Variants in CHCHD6 observed in about 807,000 individuals in gnomAD.
CHCHD6 encodes the protein coiled-coil-helix-coiled-coil-helix domain containing 6.
CHCHD6 carries 28 observed loss-of-function variants against 32.3 expected under a neutral mutation model. That is an observed-to-expected ratio of 0.87 (90% CI 0.64 to 1.19). The LOEUF (loss-of-function observed/expected upper bound fraction) is 1.19, where lower values mean the gene tolerates loss of function less well. Among genes scored for constraint, CHCHD6 ranks in the 50% most tolerant of loss-of-function variants. The pLI, the probability that CHCHD6 is intolerant of heterozygous loss-of-function variation, is 0.00. For missense variants in CHCHD6, 333 were observed against 307.0 expected (o/e 1.08, Z -0.63); for synonymous variants, 122 against 117.5 (o/e 1.04, Z -0.25).
intron 4 of CHCHD6, among the ~76,000 whole-genome samples, chr3:126,835,305 ACCTG>A (rs150152256): frequency 6.6e-6 from 1 of 152,146 alleles, no homozygotes; most frequent in African/African-American, 2.4e-5. Flanking sequence ...GGTGTGGGGC[ACCTG>A]CCTGCCTGCC....
chr3:126,792,104 T>C (rs531625225), intron 4 of CHCHD6, among the ~76,000 whole-genome samples: 1 of 152,292 alleles, frequency 6.6e-6, no homozygotes, highest in South Asian at 2.1e-4. Flanking sequence ...GCAGTTTGTT[T>C]ATCCATTCAT....
intron 5 of CHCHD6, among the ~76,000 whole-genome samples, chr3:126,892,562 C>T (rs557490752): frequency 6.6e-6 from 1 of 152,326 alleles, no homozygotes; most frequent in Admixed American, 6.5e-5. Flanking sequence ...TCTTCTTCTG[C>T]CCTCCTGGGG....
At chr3:126,931,036 C>T (rs895823147) in intron 6 of CHCHD6, among the ~76,000 whole-genome samples, 2 of 152,254 alleles carry the variant, frequency 1.3e-5, no homozygotes, top group African/African-American at 2.4e-5. Context: ...CCCAGACTGG[C>T]TGCCCTGTCA....
chr3:126,852,958 G>T (rs1941527460), intron 5 of CHCHD6, among the ~76,000 whole-genome samples: 1 of 152,074 alleles, frequency 6.6e-6, no homozygotes, highest in Admixed American at 6.5e-5. Context: ...GTCTCCCCCT[G>T]CCCCACCTTT....
At chr3:126,876,871 TATG>T (rs2077545879) in intron 5 of CHCHD6, among the ~76,000 whole-genome samples, 1 of 152,114 alleles carries the variant, frequency 6.6e-6, no homozygotes, top group Non-Finnish European at 1.5e-5. Context: ...GGATCCATAA[TATG>T]ATAAGAGAGA....
intron 4 of CHCHD6, among the ~76,000 whole-genome samples, chr3:126,798,747 A>G (rs77948487): frequency 2.2e-4 from 34 of 152,296 alleles, no homozygotes; most frequent in African/African-American, 8.2e-4. Flanking sequence ...CCAGCTGCCC[A>G]GTCACCAAGA....
At chr3:126,818,452 TTGTTTGTTACCTGCAC>T (rs1211629686) in intron 4 of CHCHD6, among the ~76,000 whole-genome samples, 2 of 152,314 alleles carry the variant, frequency 1.3e-5, no homozygotes, top group Admixed American at 1.3e-4. Context: ...TGCCTTTCAT[TTGTTTGTTACCTGCAC>T]TGGTTTTGAT....
At chr3:126,831,818 GT>G (rs1170033866) in intron 4 of CHCHD6, among the ~76,000 whole-genome samples, 2 of 152,206 alleles carry the variant, frequency 1.3e-5, no homozygotes, top group Non-Finnish European at 2.9e-5. Flanking sequence ...AGAAGAGTGT[GT>G]TTGGTTTAAT....
chr3:126,742,632 C>T (rs770046899), intron 4 of CHCHD6, among the ~76,000 whole-genome samples: 7 of 152,006 alleles, frequency 4.6e-5, no homozygotes, highest in Non-Finnish European at 5.9e-5. Flanking sequence ...ACCATGAGAG[C>T]GGGACTGGCA....
intron 4 of CHCHD6, among the ~76,000 whole-genome samples, chr3:126,803,113 G>C (rs1272853913): frequency 6.6e-6 from 1 of 151,920 alleles, no homozygotes; most frequent in East Asian, 1.9e-4. Context: ...AAAAACATGC[G>C]AAAATGTAAA....
chr3:126,789,572 T>C (rs1479938106), intron 4 of CHCHD6, among the ~76,000 whole-genome samples: 1 of 152,252 alleles, frequency 6.6e-6, no homozygotes, highest in Non-Finnish European at 1.5e-5. Context: ...TTTACCATTA[T>C]GTAATGGCCT....
At chr3:126,953,533 G>A (rs989937741) in intron 6 of CHCHD6, among the ~76,000 whole-genome samples, 7 of 152,242 alleles carry the variant, frequency 4.6e-5, no homozygotes, top group South Asian at 2.1e-4. Context: ...GCCCCACCTC[G>A]GTTTCTCACA....
chr3:126,782,388 T>A (rs1937987022), intron 4 of CHCHD6, among the ~76,000 whole-genome samples: 1 of 152,232 alleles, frequency 6.6e-6, no homozygotes, highest in Admixed American at 6.5e-5. Flanking sequence ...TGTCTGACAT[T>A]ACATTTCATT....
intron 2 of CHCHD6, among the ~76,000 whole-genome samples, chr3:126,729,731 G>T (rs1335348036): frequency 6.6e-6 from 1 of 152,096 alleles, no homozygotes; most frequent in Non-Finnish European, 1.5e-5. Flanking sequence ...ACGGGTCTGG[G>T]GTGGAGTCGC....
intron 5 of CHCHD6, among the ~76,000 whole-genome samples, chr3:126,904,232 T>G (rs2077973420): frequency 6.6e-6 from 1 of 152,186 alleles, no homozygotes; most frequent in Non-Finnish European, 1.5e-5. Flanking sequence ...AATCACTGGG[T>G]ACATTTGGTT....
At chr3:126,887,018 T>A (rs999256217) in intron 5 of CHCHD6, among the ~76,000 whole-genome samples, 1 of 152,212 alleles carries the variant, frequency 6.6e-6, no homozygotes, top group Non-Finnish European at 1.5e-5. Flanking sequence ...GGACTAGGAA[T>A]TGTTTGCTTC....
chr3:126,813,000 A>T (rs1332823461), intron 4 of CHCHD6, among the ~76,000 whole-genome samples: 1 of 152,186 alleles, frequency 6.6e-6, no homozygotes, highest in East Asian at 1.9e-4. Context: ...TAAGTTTGTA[A>T]AAATGAAAGT....
intron 1 of CHCHD6, 85 bp downstream of exon 1, chr3:126,704,484 C>T (rs1002971097): frequency 1.1e-5 from 9 of 849,462 alleles, no homozygotes; most frequent in African/African-American, 3.7e-5. Context: ...GGCCGGGGCT[C>T]TTTCCACGCG....
chr3:126,887,916 A>G (rs2077700755), intron 5 of CHCHD6, among the ~76,000 whole-genome samples: 1 of 152,074 alleles, frequency 6.6e-6, no homozygotes, highest in Non-Finnish European at 1.5e-5. Context: ...TCTTCTTTTC[A>G]CTGAGATAAG....
Sources: allele counts gnomAD v4.1 joint callset (sites outside exome capture counted in the v4.1 genomes callset), GRCh38; gene constraint gnomAD v4.1.1; transcripts MANE v1.5; gene names NCBI Gene and HGNC (gene_info 2026-07-23, HGNC 2026-07-21).